Variants in PCDH9 observed in about 807,000 individuals in gnomAD.
The protein encoded by PCDH9 is protocadherin 9.
A neutral mutation model predicts 70.6 loss-of-function variants in PCDH9; 24 were observed. The ratio of observed to expected loss-of-function variants is 0.34; its 90% CI spans 0.25 to 0.48. PCDH9 has a LOEUF of 0.48. Among genes scored for constraint, PCDH9 ranks in the 20% least tolerant of loss-of-function variants. PCDH9 has a pLI of 0.99. For missense variants in PCDH9, 1,281 were observed against 1,503.6 expected, an observed-to-expected ratio of 0.85 and a Z score of 2.45; for synonymous variants, 562 against 558.5, an observed-to-expected ratio of 1.01 and a Z score of -0.09.
chr13:66,804,841 T>C (rs1327882349), intron 3 of PCDH9, among the ~76,000 whole-genome samples: 2 of 152,122 alleles, frequency 1.3e-5, no homozygotes, highest in East Asian at 1.9e-4. Context: ...GGACTATATA[T>C]AATTCTTTAA....
intron 2 of PCDH9, among the ~76,000 whole-genome samples, chr13:67,180,044 C>T (rs905598376): frequency 7.9e-5 from 12 of 151,974 alleles, no homozygotes; most frequent in Admixed American, 5.9e-4. Flanking sequence ...TTTTAAATCA[C>T]CAAATGACCA....
chr13:66,662,041 A>G (rs2078015831), intron 3 of PCDH9, among the ~76,000 whole-genome samples: 1 of 150,244 alleles, frequency 6.7e-6, no homozygotes, highest in Non-Finnish European at 1.5e-5. Flanking sequence ...CTTTGTGAGT[A>G]TGTGTGTGTG....
intron 4 of PCDH9, among the ~76,000 whole-genome samples, chr13:66,610,831 G>A (rs549786911): frequency 6.6e-6 from 1 of 152,254 alleles, no homozygotes; most frequent in South Asian, 2.1e-4. Context: ...CCTGTGACAG[G>A]ATGATACCTT....
chr13:66,712,607 A>G (rs867400383), intron 3 of PCDH9, among the ~76,000 whole-genome samples: 1 of 152,192 alleles, frequency 6.6e-6, no homozygotes, highest in Non-Finnish European at 1.5e-5. Context: ...CCAAGCTTCA[A>G]AGAAGTCCTT....
chr13:66,970,389 G>T (rs1451208847), intron 2 of PCDH9, among the ~76,000 whole-genome samples: 3 of 151,776 alleles, frequency 2.0e-5, no homozygotes, highest in Non-Finnish European at 4.4e-5. Flanking sequence ...AGAACTCTGG[G>T]GGGCCAAGGA....
intron 3 of PCDH9, among the ~76,000 whole-genome samples, chr13:66,675,732 T>C (rs2078234111): frequency 2.0e-5 from 3 of 152,204 alleles, no homozygotes; most frequent in Admixed American, 6.6e-5. Flanking sequence ...ACTTAGCCAA[T>C]ATTACTTTTT....
intron 4 of PCDH9, among the ~76,000 whole-genome samples, chr13:66,563,395 T>A (rs2076605353): frequency 6.6e-6 from 1 of 152,160 alleles, no homozygotes; most frequent in South Asian, 2.1e-4. Context: ...TATCACTTGA[T>A]TGCTACTACT....
chr13:66,662,708 G>A (rs571421623), intron 3 of PCDH9, among the ~76,000 whole-genome samples: 6 of 152,142 alleles, frequency 3.9e-5, no homozygotes, highest in Admixed American at 1.3e-4. Context: ...ATAAGGAGTT[G>A]GTGGTGTAGG....
chr13:66,666,425 G>GT (rs1335819983), intron 3 of PCDH9, among the ~76,000 whole-genome samples: 4 of 105,908 alleles, frequency 3.8e-5, no homozygotes, highest in African/African-American at 1.5e-4. Flanking sequence ...CTGATGTTCT[G>GT]TGTTTTTTTT....
intron 4 of PCDH9, among the ~76,000 whole-genome samples, chr13:66,586,285 TAG>T (rs534799687): frequency 3.3e-5 from 5 of 151,922 alleles, no homozygotes; most frequent in Admixed American, 6.6e-5. Context: ...GATGCACACA[TAG>T]AGAGAGAGAT....
intron 4 of PCDH9, among the ~76,000 whole-genome samples, chr13:66,525,481 T>C (rs1032869747): frequency 1.3e-4 from 20 of 152,146 alleles, no homozygotes; most frequent in African/African-American, 4.6e-4. Flanking sequence ...TCTTCTTTTC[T>C]GGAACACTTC....
intron 2 of PCDH9, among the ~76,000 whole-genome samples, chr13:66,951,764 A>G (rs1018035578): frequency 1.6e-4 from 24 of 152,320 alleles, no homozygotes; most frequent in African/African-American, 5.8e-4. Context: ...TTGTTTGAAC[A>G]GAGGGTAGTT....
intron 4 of PCDH9, among the ~76,000 whole-genome samples, chr13:66,433,913 T>C (rs558535624): frequency 5.3e-4 from 80 of 151,850 alleles, no homozygotes; most frequent in Non-Finnish European, 9.6e-4. Context: ...TTTATTTCGA[T>C]GGTGTTGACT....
At chr13:66,884,924 T>C (rs540666356) in intron 3 of PCDH9, among the ~76,000 whole-genome samples, 28 of 152,318 alleles carry the variant, frequency 1.8e-4, no homozygotes, top group Non-Finnish European at 4.4e-5. Flanking sequence ...TTACTGCCTA[T>C]CTCAGTAAGT....
At chr13:66,575,559 C>G (rs1008062294) in intron 4 of PCDH9, among the ~76,000 whole-genome samples, 7 of 152,130 alleles carry the variant, frequency 4.6e-5, no homozygotes, top group African/African-American at 1.4e-4. Flanking sequence ...TGAGTACGCT[C>G]CAAACACATT....
At chr13:66,368,589 G>T (rs893030359) in intron 4 of PCDH9, among the ~76,000 whole-genome samples, 3 of 151,810 alleles carry the variant, frequency 2.0e-5, no homozygotes, top group Non-Finnish European at 4.4e-5. Context: ...ATATATATGT[G>T]TGTGTGTGTG....
At chr13:66,899,470 T>G (rs543911599) in intron 3 of PCDH9, among the ~76,000 whole-genome samples, 1 of 152,108 alleles carries the variant, frequency 6.6e-6, no homozygotes, top group Non-Finnish European at 1.5e-5. Flanking sequence ...TCTCAAAAAT[T>G]CATACACTGA....
chr13:66,786,295 T>C (rs1010096721), intron 3 of PCDH9, among the ~76,000 whole-genome samples: 9 of 152,200 alleles, frequency 5.9e-5, no homozygotes, highest in Admixed American at 2.0e-4. Context: ...GAATCAGCCA[T>C]GTGGCATTGC....
At position 66,720,731 on chromosome 13, in the gene PCDH9, A is replaced by T. The variant is rs181436223; in HGVS notation, c.3139-89320T>A. Among the ~76,000 whole-genome samples, 282 of 152,306 alleles carry T rather than the reference A, an allele frequency of 1.9e-3. 1 individual carries two copies. Among genetic ancestry groups the T allele is most frequent in the African/African-American group, 6.0e-3 (249 of 41,570 alleles). ...GATGTTTAATTTTCAGTTCCCAGTT[A>T]TAAGCCATAACAAACTCAAAGCAGT... is the stretch of plus-strand genomic sequence containing the variant. On this transcript the variant is annotated intron_variant, in intron 3 of 4. Coordinates refer to ENST00000377865, the MANE Select transcript of PCDH9 (RefSeq NM_203487.3).
Sources: gnomAD v4.1 joint callset for allele counts (sites outside exome capture counted in the v4.1 genomes callset) on GRCh38, gnomAD v4.1.1 for gene constraint, MANE v1.5 for transcripts, NCBI Gene and HGNC (gene_info 2026-07-23, HGNC 2026-07-21) for gene names.